PKIG: variants seen among roughly 807,000 people sequenced by gnomAD.
PKIG encodes protein kinase (cAMP-dependent, catalytic) inhibitor gamma.
Under a neutral mutation model 6.8 loss-of-function variants are expected in PKIG, and 1 was observed. That is an observed-to-expected ratio of 0.15 (90% confidence interval 0.05 to 0.69). PKIG has a LOEUF of 0.69. Among genes scored for constraint, PKIG ranks in the 30% least tolerant of loss-of-function variants. The pLI, the probability that PKIG is intolerant of heterozygous loss-of-function variation, is 0.82. For synonymous variants in PKIG, 39 were observed against 43.0 expected, an observed-to-expected ratio of 0.91 and a Z score of 0.36; for missense variants, 77 against 104.0, an observed-to-expected ratio of 0.74 and a Z score of 1.13.
intron 1 of PKIG, among the ~76,000 whole-genome samples, chr20:44,546,860 C>T (rs566412701): frequency 8.5e-4 from 130 of 152,178 alleles, no homozygotes; most frequent in African/African-American, 3.0e-3. Context: ...AGGCCCCTCA[C>T]TGATTTTAAA....
chr20:44,583,873 T>A (rs747434765), intron 1 of PKIG, among the ~76,000 whole-genome samples: 9 of 152,174 alleles, frequency 5.9e-5, no homozygotes, highest in Non-Finnish European at 1.0e-4. Context: ...CGGGTGCCTG[T>A]AGGACAGTTA....
At chr20:44,596,227 G>T (rs188915040) in intron 2 of PKIG, among the ~76,000 whole-genome samples, 1 of 152,232 alleles carries the variant, frequency 6.6e-6, no homozygotes, top group Non-Finnish European at 1.5e-5. Context: ...TGTATTTGTC[G>T]AATGACTGTT....
At chr20:44,532,290 T>TTG (rs1413051292) in intron 1 of PKIG, among the ~76,000 whole-genome samples, 1 of 152,198 alleles carries the variant, frequency 6.6e-6, no homozygotes, top group Non-Finnish European at 1.5e-5. Context: ...GAAAATTTAT[T>TTG]TGTGTGTGTG....
chr20:44,559,427 A>G (rs1276157472), intron 1 of PKIG, among the ~76,000 whole-genome samples: 1 of 152,158 alleles, frequency 6.6e-6, no homozygotes, highest in Non-Finnish European at 1.5e-5. Context: ...GAAGCAGGGA[A>G]TGTACAGAAG....
intron 2 of PKIG, among the ~76,000 whole-genome samples, chr20:44,593,784 G>A (rs2065053899): frequency 6.6e-6 from 1 of 152,182 alleles, no homozygotes; most frequent in African/African-American, 2.4e-5. Context: ...ACTGTGTGAG[G>A]TGGTGGATAT....
At chr20:44,591,100 C>A (rs902741284) in intron 2 of PKIG, among the ~76,000 whole-genome samples, 2 of 152,082 alleles carry the variant, frequency 1.3e-5, no homozygotes, top group East Asian at 3.8e-4. Context: ...CAGTAGTCTG[C>A]GGTAGGTCCA....
At chr20:44,591,360 G>A (rs1171969040) in intron 2 of PKIG, among the ~76,000 whole-genome samples, 5 of 152,158 alleles carry the variant, frequency 3.3e-5, no homozygotes, top group Admixed American at 2.0e-4. Context: ...ATGGAAAGTC[G>A]CTGGAGGGCT....
intron 1 of PKIG, among the ~76,000 whole-genome samples, chr20:44,566,728 C>T (rs2123270023): frequency 6.6e-6 from 1 of 152,296 alleles, no homozygotes; most frequent in East Asian, 1.9e-4. Flanking sequence ...CACTTGTAAT[C>T]CCAGCTACTC....
chr20:44,534,501 C>G (rs560424992), intron 1 of PKIG, among the ~76,000 whole-genome samples: 1 of 150,530 alleles, frequency 6.6e-6, no homozygotes, highest in South Asian at 2.1e-4. Flanking sequence ...CAGGGTATCA[C>G]TCTGTCGCCC....
At chr20:44,580,975 G>A (rs1229776118), upstream of PKIG, among the ~76,000 whole-genome samples, 1 of 152,150 alleles carries the variant, frequency 6.6e-6, no homozygotes, top group Non-Finnish European at 1.5e-5. Flanking sequence ...CAGGATTTGG[G>A]TAGCAAAGCA....
At chr20:44,539,094 A>T (rs1486063611) in intron 1 of PKIG, among the ~76,000 whole-genome samples, 1 of 151,686 alleles carries the variant, frequency 6.6e-6, no homozygotes, top group African/African-American at 2.4e-5. Context: ...ATACCCCACT[A>T]ATTTTTGTAT....
chr20:44,554,526 G>A (rs753628682), intron 1 of PKIG, among the ~76,000 whole-genome samples: 2 of 152,134 alleles, frequency 1.3e-5, no homozygotes, highest in African/African-American at 2.4e-5. Flanking sequence ...TTTTGAGCAG[G>A]GTCCAGACTT....
chr20:44,566,088 C>A (rs535760226), intron 1 of PKIG, among the ~76,000 whole-genome samples: 2 of 152,318 alleles, frequency 1.3e-5, no homozygotes, highest in African/African-American at 2.4e-5. Flanking sequence ...AAAACTCTTA[C>A]AACATTGCAT....
chr20:44,594,343 C>T (rs1028338000), intron 2 of PKIG, among the ~76,000 whole-genome samples: 4 of 152,210 alleles, frequency 2.6e-5, no homozygotes, highest in Non-Finnish European at 5.9e-5. Flanking sequence ...AGATGAAGAA[C>T]CTGAGGTTCA....
chr20:44,540,226 G>T (rs2064549030), intron 1 of PKIG, among the ~76,000 whole-genome samples: 1 of 152,118 alleles, frequency 6.6e-6, no homozygotes, highest in Admixed American at 6.5e-5. Context: ...CTCCCAAAGT[G>T]CTGGGATTAC....
intron 2 of PKIG, among the ~76,000 whole-genome samples, chr20:44,598,034 G>A (rs1184901681): frequency 6.6e-6 from 1 of 152,248 alleles, no homozygotes; most frequent in East Asian, 1.9e-4. Context: ...GGCAGTTCTG[G>A]CTTGGATCTT....
At chr20:44,582,357 T>C (rs2064955674), upstream of PKIG, among the ~76,000 whole-genome samples, 1 of 151,774 alleles carries the variant, frequency 6.6e-6, no homozygotes. Context: ...GGGTTGAAAA[T>C]TGAAGGAAGG....
intron 1 of PKIG, among the ~76,000 whole-genome samples, chr20:44,553,172 T>C (rs1309491034): frequency 6.6e-6 from 1 of 152,174 alleles, no homozygotes; most frequent in Non-Finnish European, 1.5e-5. Context: ...AGGGAATCAG[T>C]TGACTTACTT....
rs1600912301 is a variant in PKIG, at chr20:44,618,757, G to T, written c.*393G>T. 5.8e-6 allele frequency: 1 copy of T among 171,266 alleles called. No individual in the cohort carries two copies. Among genetic ancestry groups the T allele is most frequent in the Non-Finnish European group, 1.3e-5 (1 of 79,406 alleles). The allele number at this position is 171,266 out of a possible 1,614,324, so 10.6% of individuals were successfully genotyped here. On this transcript the variant is annotated 3_prime_UTR_variant, in exon 4 of 4. Transcript: ENST00000372886. ...ACCTCCTCTCCAGCCCAATCTTCTG[G>T]GTCCAGACCTGCTTGTCCCTTTTTT...
Sources: gnomAD v4.1 joint callset for allele counts (sites outside exome capture counted in the v4.1 genomes callset) on GRCh38, gnomAD v4.1.1 for gene constraint, MANE v1.5 for transcripts, NCBI Gene and HGNC (gene_info 2026-07-23, HGNC 2026-07-21) for gene names.